The following APBB2 variants were observed in gnomAD, a reference collection of about 807,000 sequenced individuals.
APBB2 encodes amyloid beta precursor protein binding family B member 2, also known as Fe65-like 1.
A neutral mutation model predicts 82.5 loss-of-function variants in APBB2; 38 were observed. The observed-to-expected ratio is 0.46, with a 90% CI of 0.36 to 0.60. The LOEUF is 0.60. APBB2 is among the 20% of genes least tolerant of loss of function. APBB2 has a pLI of 0.00. For missense variants in APBB2, 772 were observed against 972.3 expected (o/e 0.79, Z 2.74); for synonymous variants, 341 against 368.2 (o/e 0.93, Z 0.85).
At chr4:41,146,637 AC>A (rs1321925685) in intron 1 of APBB2, among the ~76,000 whole-genome samples, 1 of 152,216 alleles carries the variant, frequency 6.6e-6, no homozygotes, top group East Asian at 1.9e-4. Context: ...AACATTGTTT[AC>A]TTCCACTTTT....
intron 3 of APBB2, among the ~76,000 whole-genome samples, chr4:41,092,054 C>T (rs1741902491): frequency 6.6e-6 from 1 of 152,274 alleles, no homozygotes; most frequent in African/African-American, 2.4e-5. Flanking sequence ...CTTCTATGGT[C>T]CAGATCAAAA....
chr4:41,181,427 A>T (rs1771316447), intron 1 of APBB2, among the ~76,000 whole-genome samples: 1 of 152,266 alleles, frequency 6.6e-6, no homozygotes. Flanking sequence ...AAACGTGCTT[A>T]AAATTGTTTT....
At chr4:40,868,491 C>T (rs1764613281) in intron 12 of APBB2, among the ~76,000 whole-genome samples, 1 of 152,194 alleles carries the variant, frequency 6.6e-6, no homozygotes, top group Admixed American at 6.5e-5. Context: ...GCAATCTCAG[C>T]TTCAGAATTT....
intron 1 of APBB2, among the ~76,000 whole-genome samples, chr4:41,167,670 T>C (rs912327746): frequency 1.3e-4 from 20 of 152,238 alleles, no homozygotes; most frequent in African/African-American, 4.8e-4. Context: ...CCAGCCCCCA[T>C]CCCTAGGGCA....
At chr4:41,161,132 G>C (rs924799751) in intron 1 of APBB2, among the ~76,000 whole-genome samples, 9 of 123,482 alleles carry the variant, frequency 7.3e-5, no homozygotes, top group Middle Eastern at 6.0e-3. Context: ...CTGACAGCAT[G>C]TATTACAGAA....
At chr4:40,958,966 A>G (rs1448395114) in intron 6 of APBB2, among the ~76,000 whole-genome samples, 2 of 152,236 alleles carry the variant, frequency 1.3e-5, no homozygotes, top group Non-Finnish European at 2.9e-5. Flanking sequence ...ATAGCTAGGC[A>G]GGCTTTATTA....
At chr4:40,890,051 G>A (rs1771516748) in intron 12 of APBB2, among the ~76,000 whole-genome samples, 1 of 152,140 alleles carries the variant, frequency 6.6e-6, no homozygotes, top group Non-Finnish European at 1.5e-5. Context: ...AGAGAGGAGG[G>A]GAAAAAGGGG....
chr4:41,121,931 ATG>A (rs1197932962), intron 2 of APBB2, among the ~76,000 whole-genome samples: 3 of 150,948 alleles, frequency 2.0e-5, no homozygotes, highest in Non-Finnish European at 3.0e-5. Flanking sequence ...GTGTGTGTGT[ATG>A]TGTGTGTGTC....
chr4:40,920,149 C>T (rs1200754564), intron 10 of APBB2, among the ~76,000 whole-genome samples: 1 of 152,140 alleles, frequency 6.6e-6, no homozygotes. Flanking sequence ...TGGGAGGTAA[C>T]TGAATCATGG....
At chr4:41,116,017 A>AT (rs1262682433) in intron 2 of APBB2, among the ~76,000 whole-genome samples, 2 of 152,256 alleles carry the variant, frequency 1.3e-5, no homozygotes, top group African/African-American at 4.8e-5. Flanking sequence ...ATACACACGT[A>AT]TGTTTATTGC....
At chr4:40,847,048 T>C (rs1050638669) in intron 12 of APBB2, among the ~76,000 whole-genome samples, 1 of 152,212 alleles carries the variant, frequency 6.6e-6, no homozygotes, top group Non-Finnish European at 1.5e-5. Flanking sequence ...ATTTACACCA[T>C]GTTCCAGTTT....
chr4:41,072,806 A>C (rs570738781), intron 3 of APBB2, among the ~76,000 whole-genome samples: 90 of 152,346 alleles, frequency 5.9e-4, no homozygotes, highest in African/African-American at 2.1e-3. Flanking sequence ...CCCTGATGTG[A>C]ACAATCTAGA....
At chr4:41,163,218 A>G (rs1210864036) in intron 1 of APBB2, among the ~76,000 whole-genome samples, 2 of 152,220 alleles carry the variant, frequency 1.3e-5, no homozygotes, top group Non-Finnish European at 2.9e-5. Flanking sequence ...CAGGTGGGTA[A>G]AAGATCTGGG....
intron 6 of APBB2, among the ~76,000 whole-genome samples, chr4:40,992,183 GT>G (rs1002975028): frequency 6.6e-6 from 1 of 151,220 alleles, no homozygotes; most frequent in Admixed American, 6.6e-5. Context: ...TTTGTTGCTT[GT>G]TTTTAAGAGA....
At chr4:40,885,929 G>C (rs1353163616) in intron 12 of APBB2, among the ~76,000 whole-genome samples, 1 of 152,080 alleles carries the variant, frequency 6.6e-6, no homozygotes, top group East Asian at 1.9e-4. Context: ...AGTGACTATA[G>C]AATCTTTTTT....
chr4:40,840,488 ACT>A (rs992781316), intron 12 of APBB2, among the ~76,000 whole-genome samples: 32 of 152,196 alleles, frequency 2.1e-4, no homozygotes, highest in African/African-American at 7.5e-4. Flanking sequence ...CACATGTAAG[ACT>A]CTGGTTTTCT....
chr4:40,897,502 G>A (rs1327696585), intron 10 of APBB2, among the ~76,000 whole-genome samples: 1 of 150,296 alleles, frequency 6.7e-6, no homozygotes, highest in Non-Finnish European at 1.5e-5. Context: ...TAGGCGACAA[G>A]AGCAAAACTC....
intron 1 of APBB2, among the ~76,000 whole-genome samples, chr4:41,153,595 T>G (rs1210104728): frequency 6.6e-6 from 1 of 152,166 alleles, no homozygotes; most frequent in African/African-American, 2.4e-5. Context: ...AGTAGTACAA[T>G]CTTAATCTTC....
intron 5 of APBB2, among the ~76,000 whole-genome samples, chr4:41,026,814 A>G (rs2154435993): frequency 6.6e-6 from 1 of 152,338 alleles, no homozygotes; most frequent in Admixed American, 6.5e-5. Flanking sequence ...GATATGTAAA[A>G]CTGACCCAAT....
Sources: allele counts gnomAD v4.1 joint callset (sites outside exome capture counted in the v4.1 genomes callset), GRCh38; gene constraint gnomAD v4.1.1; transcripts MANE v1.5; gene names NCBI Gene and HGNC (gene_info 2026-07-23, HGNC 2026-07-21).